The following PRKG1 variants were observed in gnomAD, a reference collection of about 807,000 sequenced individuals.
PRKG1 encodes protein kinase cGMP-dependent 1, also known as cGMP-dependent protein kinase 1.
In PRKG1, 35 loss-of-function variants were observed where a neutral mutation model predicts 88.1. That is an observed-to-expected ratio of 0.40 (90% confidence interval 0.30 to 0.53). The LOEUF is 0.53. Among genes scored for constraint, PRKG1 ranks in the 20% least tolerant of loss-of-function variants. The pLI is 0.59. For synonymous variants in PRKG1, 303 were observed against 292.5 expected (o/e 1.04, Z -0.37); for missense variants, 540 against 839.8 (o/e 0.64, Z 4.41).
At chr10:52,055,029 C>G (rs761914741) in intron 6 of PRKG1, among the ~76,000 whole-genome samples, 36 of 152,032 alleles carry the variant, frequency 2.4e-4, no homozygotes, top group Non-Finnish European at 5.3e-4. Context: ...CCAGCTACTT[C>G]GGAGGCTGAG....
chr10:52,221,538 C>A (rs1840245526), intron 9 of PRKG1, among the ~76,000 whole-genome samples: 2 of 151,928 alleles, frequency 1.3e-5, no homozygotes, highest in Non-Finnish European at 2.9e-5. Context: ...CAAATATAAA[C>A]TTTATTAATG....
chr10:51,141,018 G>C (rs1845807988), intron 1 of PRKG1, among the ~76,000 whole-genome samples: 1 of 152,140 alleles, frequency 6.6e-6, no homozygotes, highest in East Asian at 1.9e-4. Flanking sequence ...TTGTATGCTT[G>C]AACTCCCTTT....
At chr10:51,351,128 T>A (rs1197222981) in intron 2 of PRKG1, among the ~76,000 whole-genome samples, 1 of 152,192 alleles carries the variant, frequency 6.6e-6, no homozygotes, top group Admixed American at 6.5e-5. Context: ...ATGGTATATA[T>A]GTGCCACATT....
intron 3 of PRKG1, among the ~76,000 whole-genome samples, chr10:51,516,452 C>T (rs963619600): frequency 2.6e-5 from 4 of 151,730 alleles, no homozygotes; most frequent in African/African-American, 9.7e-5. Flanking sequence ...TCAAAAAGAA[C>T]AATCGGGAGA....
At chr10:52,228,996 T>G (rs1193898314) in intron 9 of PRKG1, among the ~76,000 whole-genome samples, 1 of 152,222 alleles carries the variant, frequency 6.6e-6, no homozygotes, top group Non-Finnish European at 1.5e-5. Context: ...AATTGCATAT[T>G]AACAGCATAG....
chr10:51,134,781 C>A (rs1845650490), intron 1 of PRKG1, among the ~76,000 whole-genome samples: 1 of 152,104 alleles, frequency 6.6e-6, no homozygotes, highest in African/African-American at 2.4e-5. Context: ...GAATGGCATA[C>A]CACTTTCCCT....
chr10:51,924,721 T>C (rs1432441066), intron 5 of PRKG1, among the ~76,000 whole-genome samples: 1 of 152,012 alleles, frequency 6.6e-6, no homozygotes, highest in East Asian at 1.9e-4. Context: ...TATTCTTTTT[T>C]TTTTTTTGTC....
At chr10:51,306,546 C>T (rs1315111253) in intron 2 of PRKG1, 1 of 152,108 alleles carries the variant, frequency 6.6e-6, no homozygotes. Context: ...GTGAGAGATG[C>T]TAATCGGCTT....
At chr10:51,202,594 G>T (rs1837941271) in intron 2 of PRKG1, among the ~76,000 whole-genome samples, 1 of 152,194 alleles carries the variant, frequency 6.6e-6, no homozygotes, top group African/African-American at 2.4e-5. Flanking sequence ...TCTAACAGTG[G>T]AATATGTTTG....
At chr10:51,941,018 C>G (rs1466203591) in intron 5 of PRKG1, among the ~76,000 whole-genome samples, 1 of 151,840 alleles carries the variant, frequency 6.6e-6, no homozygotes, top group African/African-American at 2.4e-5. Flanking sequence ...CCCCTCTCTG[C>G]CACTTGTTAC....
At chr10:51,790,280 T>C (rs1246480184) in intron 3 of PRKG1, among the ~76,000 whole-genome samples, 1 of 152,184 alleles carries the variant, frequency 6.6e-6, no homozygotes, top group African/African-American at 2.4e-5. Context: ...GAATTCATTG[T>C]CACTACCCAA....
chr10:52,203,452 A>G (rs1190410487), intron 9 of PRKG1, among the ~76,000 whole-genome samples: 1 of 152,192 alleles, frequency 6.6e-6, no homozygotes, highest in Non-Finnish European at 1.5e-5. Flanking sequence ...TCAATTTTAG[A>G]GTATGTGCCA....
chr10:52,085,336 T>A (rs1846885515), intron 7 of PRKG1, among the ~76,000 whole-genome samples: 1 of 145,978 alleles, frequency 6.9e-6, no homozygotes, highest in Non-Finnish European at 1.5e-5. Context: ...TAACAATGAC[T>A]GCAAAAGGAC....
intron 3 of PRKG1, among the ~76,000 whole-genome samples, chr10:51,597,956 A>T (rs1046610379): frequency 5.3e-5 from 8 of 152,164 alleles, no homozygotes; most frequent in Non-Finnish European, 8.8e-5. Flanking sequence ...AGTTGATTTT[A>T]AAAAAACTCT....
At chr10:51,670,701 A>T (rs957396945) in intron 3 of PRKG1, among the ~76,000 whole-genome samples, 1 of 148,574 alleles carries the variant, frequency 6.7e-6, no homozygotes, top group East Asian at 1.9e-4. Context: ...CCGCCACTGC[A>T]CTCCAGCCTG....
intron 14 of PRKG1, among the ~76,000 whole-genome samples, chr10:52,286,350 CT>C (rs1842115833): frequency 6.6e-6 from 1 of 151,954 alleles, no homozygotes; most frequent in African/African-American, 2.4e-5. Context: ...GAGTTAAGTT[CT>C]TCTTCAAATT....
chr10:52,009,818 A>G (rs1589513354), intron 5 of PRKG1, among the ~76,000 whole-genome samples: 1 of 152,208 alleles, frequency 6.6e-6, no homozygotes, highest in East Asian at 1.9e-4. Context: ...TGGTTCATAA[A>G]CAAATAAATA....
chr10:51,392,755 G>A (rs1267901028), intron 2 of PRKG1, among the ~76,000 whole-genome samples: 2 of 140,324 alleles, frequency 1.4e-5, no homozygotes, highest in African/African-American at 2.5e-5. Context: ...CTGGCCGGGC[G>A]GGGGGCTGAC....
rs765792966 is a variant in PRKG1, at chr10:51,737,740, A to ATTAATTATTATTATT, written c.593-66845_593-66844insTTAATTATTATTATT. On this transcript the variant is annotated intron_variant, in intron 3 of 17. Coordinates refer to ENST00000373980, the MANE Select transcript of PRKG1 (RefSeq NM_006258.4). ...TTATTTATTTATTTATTTATTTATT[A>ATTAATTATTATTATT]ATTATTATTATTATTATTATTATTA... Among the ~76,000 whole-genome samples the ATTAATTATTATTATT allele has an allele frequency of 3.7e-5, 5 of 133,422 alleles. No individual in the cohort carries two copies. In the East Asian group the frequency reaches 8.8e-4, roughly 24 times the overall value. The allele number at this position is 133,422 out of a possible 152,430, so 87.5% of individuals were successfully genotyped here.
Sources: gnomAD v4.1 joint callset for allele counts (sites outside exome capture counted in the v4.1 genomes callset) on GRCh38, gnomAD v4.1.1 for gene constraint, MANE v1.5 for transcripts, NCBI Gene and HGNC (gene_info 2026-07-23, HGNC 2026-07-21) for gene names.